ARMH4: variants seen among roughly 807,000 people sequenced by gnomAD.
ARMH4 encodes armadillo like helical domain containing 4.
ARMH4 carries 49 observed loss-of-function variants against 61.9 expected under a neutral mutation model. That is an observed-to-expected ratio of 0.79 (90% confidence interval 0.63 to 1.00). ARMH4 has a LOEUF of 1.00. Among genes scored for constraint, ARMH4 ranks in the 50% least tolerant of loss-of-function variants. The pLI is 0.00. For synonymous variants in ARMH4, 368 were observed against 341.5 expected (o/e 1.08, Z -0.85); for missense variants, 934 against 930.0 (o/e 1.00, Z -0.06).
chr14:58,127,957 C>G (rs1034041789), intron 4 of ARMH4, among the ~76,000 whole-genome samples: 1 of 152,186 alleles, frequency 6.6e-6, no homozygotes, highest in Non-Finnish European at 1.5e-5. Flanking sequence ...AACCTACTAT[C>G]TGACACAAAT....
At chr14:58,128,696 C>T (rs1478487510) in intron 4 of ARMH4, among the ~76,000 whole-genome samples, 1 of 152,220 alleles carries the variant, frequency 6.6e-6, no homozygotes, top group Non-Finnish European at 1.5e-5. Flanking sequence ...AAAACTTCTC[C>T]CACTCTACCA....
chr14:58,115,989 C>G (rs1886505263), intron 4 of ARMH4: 1 of 152,152 alleles, frequency 6.6e-6, no homozygotes, highest in African/African-American at 2.4e-5. Context: ...TGGGATCATT[C>G]ATATACCAAA....
chr14:58,135,297 G>A (rs766514679), intron 2 of ARMH4, among the ~76,000 whole-genome samples: 2 of 152,058 alleles, frequency 1.3e-5, no homozygotes, highest in Non-Finnish European at 2.9e-5. Context: ...AATCCCTAGA[G>A]AGCCAGGATT....
chr14:58,067,685 A>G (rs547278391), intron 5 of ARMH4, among the ~76,000 whole-genome samples: 2 of 152,294 alleles, frequency 1.3e-5, no homozygotes, highest in African/African-American at 2.4e-5. Context: ...AGTTTATCCA[A>G]ATGTTTTTGC....
chr14:58,031,437 T>C (rs1350042690), intron 5 of ARMH4, among the ~76,000 whole-genome samples: 1 of 152,210 alleles, frequency 6.6e-6, no homozygotes, highest in African/African-American at 2.4e-5. Context: ...ATGTACATTA[T>C]TAATGATAAG....
intron 5 of ARMH4, among the ~76,000 whole-genome samples, chr14:58,076,138 G>A (rs531668099): frequency 6.6e-6 from 1 of 151,888 alleles, no homozygotes; most frequent in Admixed American, 6.6e-5. Context: ...AGGAGGCAGC[G>A]GCGGCAACTA....
chr14:58,125,877 G>C (rs1314356490), intron 4 of ARMH4, among the ~76,000 whole-genome samples: 1 of 152,226 alleles, frequency 6.6e-6, no homozygotes, highest in Non-Finnish European at 1.5e-5. Context: ...GCCTAGCTGG[G>C]AAGGTGACCA....
chr14:58,132,581 C>CTTTTTTTTTTTTTT (rs71448942), intron 3 of ARMH4, among the ~76,000 whole-genome samples: 6 of 86,072 alleles, frequency 7.0e-5, no homozygotes, highest in Admixed American at 1.5e-4. Context: ...ACCCTTGTCC[C>CTTTTTTTTTTTTTT]TTTTTTTTTT....
intron 1 of ARMH4, among the ~76,000 whole-genome samples, chr14:58,140,939 C>T (rs368653149): frequency 6.6e-6 from 1 of 152,010 alleles, no homozygotes; most frequent in Admixed American, 6.6e-5. Context: ...AGCTCCCTGG[C>T]CCCTTCCACC....
Position 58,005,188 on chromosome 14 carries a change from T to A in ARMH4, c.2122-6A>T. ...ATCCCAGACATGTAACCAGCCTGCATAGAAAAGGAAACACACATTAGGATG... is the reference window on the plus strand; with the variant it reads ...ATCCCAGACATGTAACCAGCCTGCAAAGAAAAGGAAACACACATTAGGATG... On this transcript the variant is annotated splice_region_variant and splice_polypyrimidine_tract_variant and intron_variant, in intron 6 of 7. Transcript: ENST00000267485. The A allele has an allele frequency of 6.2e-7, 1 of 1,613,904 alleles. No individual in the cohort carries two copies. The highest frequency in any genetic ancestry group is 2.2e-5 in the East Asian group (1 of 44,874).
intron 5 of ARMH4, among the ~76,000 whole-genome samples, chr14:58,079,235 T>C (rs1290975096): frequency 1.3e-5 from 2 of 152,112 alleles, no homozygotes; most frequent in African/African-American, 2.4e-5. Context: ...AGGTAATTTA[T>C]AAAGAAAAAA....
chr14:58,038,416 G>C (rs188852878), intron 5 of ARMH4, among the ~76,000 whole-genome samples: 3,056 of 110,876 alleles, frequency 0.028, 59 homozygotes, highest in Middle Eastern at 0.072. Context: ...GTCGGGGGAG[G>C]GGGGAGGGAT....
Position 58,138,573 on chromosome 14 carries a change from A to C in ARMH4, c.786T>G (p.Ala262=). The C allele has an allele frequency of 1.2e-6, 2 of 1,614,244 alleles. No homozygotes were observed. Among genetic ancestry groups the C allele is most frequent in the East Asian group, 4.5e-5 (2 of 44,880 alleles). The change falls in exon 2 of 8, where the codon GCT becomes GCG. Residue 262 remains alanine, a synonymous_variant. Transcript: ENST00000267485. Reference sequence around the variant, plus strand: ...TGGTGGCAGCAGCCTGGGTGTTATCAGCTGTCATCTGCGAAGGCTTCTCCT... The same window carrying C: ...TGGTGGCAGCAGCCTGGGTGTTATCCGCTGTCATCTGCGAAGGCTTCTCCT... ...PDKEKPSQMT[A]DNTQAAATKQ... is the part of the protein sequence containing the mutation.
At chr14:58,076,526 C>T (rs1885055001) in intron 5 of ARMH4, among the ~76,000 whole-genome samples, 1 of 151,638 alleles carries the variant, frequency 6.6e-6, no homozygotes, top group Non-Finnish European at 1.5e-5. Flanking sequence ...GTAGCAGATC[C>T]CAAACTTGCT....
Position 58,005,109 on chromosome 14 carries a change from A to G in ARMH4, c.2195T>C (p.Leu732Pro). ...IAGALFILGA[L>P]YSIKVMNRRR... Reference sequence around the variant, plus strand: ...GCGATTCATAACCTTAATGCTGTAGAGGGCTCCCAAGATGAACAAGGCTCC... The same window carrying G: ...GCGATTCATAACCTTAATGCTGTAGGGGGCTCCCAAGATGAACAAGGCTCC... The change falls in exon 7 of 8, where the codon CTC becomes CCC. Residue 732 changes from leucine (L) to proline (P), a missense_variant. Leu to Pro is a moderately conservative substitution (Grantham distance 98, BLOSUM62 -3). Transcript: ENST00000267485. The G allele has an allele frequency of 1.9e-6, 3 of 1,614,040 alleles. No homozygotes were observed. Among genetic ancestry groups the G allele is most frequent in the Non-Finnish European group, 2.5e-6 (3 of 1,179,956 alleles).
chr14:58,059,797 T>C (rs544531186), intron 5 of ARMH4, among the ~76,000 whole-genome samples: 3 of 152,302 alleles, frequency 2.0e-5, no homozygotes, highest in African/African-American at 7.2e-5. Context: ...TGTTCATTTT[T>C]CCAAAGGTAT....
At chr14:58,150,599 G>C (rs1357618742) in intron 1 of ARMH4, among the ~76,000 whole-genome samples, 1 of 152,178 alleles carries the variant, frequency 6.6e-6, no homozygotes, top group Non-Finnish European at 1.5e-5. Context: ...AGCCTCCCAT[G>C]AAAACAAAGA....
chr14:58,126,598 C>A (rs1886902358), intron 4 of ARMH4, among the ~76,000 whole-genome samples: 1 of 152,106 alleles, frequency 6.6e-6, no homozygotes, highest in African/African-American at 2.4e-5. Context: ...ATAATGACAG[C>A]TTTCTGCCCC....
intron 5 of ARMH4, among the ~76,000 whole-genome samples, chr14:58,025,527 G>C (rs1882992772): frequency 2.6e-5 from 4 of 152,138 alleles, no homozygotes. Flanking sequence ...CAAAGCATGT[G>C]TAACTAAATC....
Sources: gnomAD v4.1 joint callset for allele counts (sites outside exome capture counted in the v4.1 genomes callset) on GRCh38, gnomAD v4.1.1 for gene constraint, MANE v1.5 for transcripts, NCBI Gene and HGNC (gene_info 2026-07-23, HGNC 2026-07-21) for gene names.